ATXN10: variants seen among roughly 807,000 people sequenced by gnomAD.
The protein encoded by ATXN10 is ataxin-10.
Under a neutral mutation model 52.9 loss-of-function variants are expected in ATXN10, and 28 were observed. The ratio of observed to expected loss-of-function variants is 0.53; its 90% CI spans 0.39 to 0.73. The LOEUF (loss-of-function observed/expected upper bound fraction) is 0.73. Among genes scored for constraint, ATXN10 ranks in the 30% least tolerant of loss-of-function variants. The pLI is 0.00. For missense variants in ATXN10, 565 were observed against 577.0 expected (o/e 0.98, Z 0.21); for synonymous variants, 226 against 221.5 (o/e 1.02, Z -0.18).
At chr22:45,822,722 A>G (rs972463445) in intron 10 of ATXN10, among the ~76,000 whole-genome samples, 1 of 151,768 alleles carries the variant, frequency 6.6e-6, no homozygotes, top group African/African-American at 2.4e-5. Flanking sequence ...GGGTTTCATC[A>G]TGTTGGTCAG....
intron 10 of ATXN10, among the ~76,000 whole-genome samples, chr22:45,807,295 C>T (rs1355458874): frequency 6.6e-6 from 1 of 152,214 alleles, no homozygotes; most frequent in African/African-American, 2.4e-5. Context: ...CACAGGCAGC[C>T]CATGCAAGGC....
At chr22:45,673,362 CTT>C (rs1008965904) in intron 1 of ATXN10, 5 of 152,232 alleles carry the variant, frequency 3.3e-5, no homozygotes, top group East Asian at 1.9e-4. Flanking sequence ...GACTTCCTCT[CTT>C]TAAACTAGAC....
In ATXN10 at chr22:45,699,528, G is replaced by GTC. The variant is rs550150940; in HGVS notation, c.392-751_392-750dup. Among the ~76,000 whole-genome samples, 403 of 114,634 alleles carry GTC rather than the reference G, an allele frequency of 3.5e-3. 2 individuals are homozygous for GTC. Among genetic ancestry groups the GTC allele is most frequent in the South Asian group, 8.9e-3 (33 of 3,692 alleles). 75.2% of individuals were successfully genotyped at this position (114,634 alleles called of 152,430 possible). A position where few individuals can be genotyped will look rare whatever the true frequency, so the allele number is the denominator to read the frequency against. On this transcript the variant is annotated intron_variant, in intron 3 of 11. Coordinates refer to ENST00000252934, the MANE Select transcript of ATXN10 (RefSeq NM_013236.4). Reference sequence around the variant, plus strand: ...TTTTTTTGAGACAGGGTCTGGGTCTGTCTCCCCGGCTGGATGCAGTGGCTT... The same window carrying GTC: ...TTTTTTTGAGACAGGGTCTGGGTCTGTCTCTCCCCGGCTGGATGCAGTGGCTT...
At chr22:45,771,693 AG>A (rs1445843549) in intron 9 of ATXN10, among the ~76,000 whole-genome samples, 5 of 152,142 alleles carry the variant, frequency 3.3e-5, no homozygotes, top group African/African-American at 1.2e-4. Context: ...TTGGGATTAC[AG>A]GGGTGAGCCA....
intron 1 of ATXN10, 35 bp downstream of exon 1, chr22:45,672,214 G>A (rs2146716425): frequency 2.0e-6 from 3 of 1,481,306 alleles, no homozygotes; most frequent in South Asian, 2.5e-5. Context: ...CCCCGGGCAG[G>A]GGAGGGCGGC....
chr22:45,739,832 C>T (rs1193228815), intron 8 of ATXN10, among the ~76,000 whole-genome samples: 1 of 152,136 alleles, frequency 6.6e-6, no homozygotes, highest in Non-Finnish European at 1.5e-5. Flanking sequence ...TGGAGGTGCT[C>T]ATAGAGTAGA....
Position 45,780,208 on chromosome 22 carries a change from T to C in ATXN10, c.1174-26751T>C, listed in dbSNP as rs777377366. Among the ~76,000 whole-genome samples, 1 of 152,056 alleles carries C rather than the reference T, an allele frequency of 6.6e-6. No homozygotes were observed. Among genetic ancestry groups the C allele is most frequent in the Non-Finnish European group, 1.5e-5 (1 of 68,008 alleles). ...AAGCGATTACCCTGCTTCAGCCTCC[T>C]GAGTAGCTGGGATTACAGGCGTGTG... On this transcript the variant is annotated intron_variant, in intron 9 of 11. Transcript: ENST00000252934. The surrounding 1 kb of genome is among the most constrained non-coding windows in gnomAD (Gnocchi z 4.0).
intron 10 of ATXN10, among the ~76,000 whole-genome samples, chr22:45,815,501 TGG>T (rs1194059173): frequency 6.6e-6 from 1 of 152,192 alleles, no homozygotes; most frequent in African/African-American, 2.4e-5. Flanking sequence ...TGAGTGCTTT[TGG>T]TATGCCAAAT....
chr22:45,707,392 A>G (rs1425782057), intron 5 of ATXN10, among the ~76,000 whole-genome samples: 1 of 152,110 alleles, frequency 6.6e-6, no homozygotes, highest in Non-Finnish European at 1.5e-5. Context: ...AGATTTACAA[A>G]CAAACAGAAG....
chr22:45,674,636 A>G (rs1483906854), intron 1 of ATXN10: 1 of 152,276 alleles, frequency 6.6e-6, no homozygotes, highest in Non-Finnish European at 1.5e-5. Flanking sequence ...AGGAACACAG[A>G]TGGATCCAGG....
intron 9 of ATXN10, chr22:45,793,924 A>G (rs1927611887): frequency 1.7e-6 from 2 of 1,183,396 alleles, no homozygotes; most frequent in Non-Finnish European, 2.1e-6. Context: ...CTTGCAGAGC[A>G]GGGCTGCCCT....
rs1929388719 is a variant in ATXN10 at position 45,842,782 on chromosome 22, C to A, written c.1238-209C>A. On this transcript the variant is annotated intron_variant, in intron 10 of 11. Coordinates refer to ENST00000252934, the MANE Select transcript of ATXN10 (RefSeq NM_013236.4). The surrounding 1 kb of genome is among the most constrained non-coding windows in gnomAD (Gnocchi z 4.8). ...CGTGGCTGGACATCACACACACATG[C>A]TGGATGTACATGTGCATATGCCTGC... Among the ~76,000 whole-genome samples, 1 of 152,142 alleles carries A rather than the reference C, an allele frequency of 6.6e-6. No homozygotes were observed. Among genetic ancestry groups the A allele is most frequent in the South Asian group, 2.1e-4 (1 of 4,828 alleles).
chr22:45,709,764 T>C (rs577583893), intron 5 of ATXN10, among the ~76,000 whole-genome samples: 2 of 152,348 alleles, frequency 1.3e-5, no homozygotes, highest in East Asian at 3.9e-4. Context: ...GTGCTTCTAA[T>C]TGGCATCTGA....
chr22:45,721,757 T>G (rs893191027), intron 6 of ATXN10, among the ~76,000 whole-genome samples: 2 of 152,146 alleles, frequency 1.3e-5, no homozygotes, highest in Non-Finnish European at 2.9e-5. Context: ...ATAGGTATTA[T>G]TCTTGACATT....
At chr22:45,811,957 A>G (rs1296092702) in intron 10 of ATXN10, among the ~76,000 whole-genome samples, 1 of 152,166 alleles carries the variant, frequency 6.6e-6, no homozygotes, top group East Asian at 1.9e-4. Context: ...CTAGTCTATC[A>G]CATTCTAAAA....
intron 1 of ATXN10, chr22:45,679,188 C>A (rs528132349): frequency 6.6e-6 from 1 of 152,142 alleles, no homozygotes. Flanking sequence ...GAGAGCAGCC[C>A]GAGGCCAGGA....
rs968008570 is a variant in ATXN10 at position 45,677,881 on chromosome 22, G to A, written c.116+5702G>A. 5 of 152,194 alleles carry A rather than the reference G, an allele frequency of 3.3e-5. No individual in the cohort carries two copies. Among genetic ancestry groups the A allele is most frequent in the Non-Finnish European group, 7.3e-5 (5 of 68,042 alleles). The allele number at this position is 152,194 out of a possible 1,614,324, so 9.4% of individuals were successfully genotyped here. A position where few individuals can be genotyped will look rare whatever the true frequency, so the allele number is the denominator to read the frequency against. On this transcript the variant is annotated intron_variant, in intron 1 of 11. Transcript: ENST00000252934. The surrounding 1 kb of genome is among the most constrained non-coding windows in gnomAD (Gnocchi z 4.1). Reference sequence around the variant, plus strand: ...GCTAGTGGACATGTAAAGTGGTGCTGCTACTATGGAAAATAATTTGGTGGG... The same window carrying A: ...GCTAGTGGACATGTAAAGTGGTGCTACTACTATGGAAAATAATTTGGTGGG...
chr22:45,738,614 T>C, intron 7 of ATXN10, 117 bp from the exon 8 acceptor site: 1 of 899,648 alleles, frequency 1.1e-6, no homozygotes, highest in East Asian at 2.7e-5. Context: ...CTTTGACTTA[T>C]TACAAGCACA....
Position 45,683,744 on chromosome 22 carries a change from A to G in ATXN10, c.117-5968A>G, listed in dbSNP as rs936961258. On this transcript the variant is annotated intron_variant, in intron 1 of 11. Coordinates refer to ENST00000252934, the MANE Select transcript of ATXN10 (RefSeq NM_013236.4). The surrounding 1 kb of genome is among the most constrained non-coding windows in gnomAD (Gnocchi z 4.8). ...TTTGGGTAGTGTAAGTAAGGATCCAATTCAGTTTTTTTCTTTTTAGATTAA... is the reference window on the plus strand; with the variant it reads ...TTTGGGTAGTGTAAGTAAGGATCCAGTTCAGTTTTTTTCTTTTTAGATTAA... Among the ~76,000 whole-genome samples, 2 of 152,102 alleles carry G rather than the reference A, an allele frequency of 1.3e-5. No individual in the cohort carries two copies. Among genetic ancestry groups the G allele is most frequent in the African/African-American group, 4.8e-5 (2 of 41,428 alleles).
Sources: gnomAD v4.1 joint callset for allele counts (sites outside exome capture counted in the v4.1 genomes callset) on GRCh38, gnomAD v4.1.1 for gene constraint, Gnocchi (gnomAD v3.1) non-coding constraint, MANE v1.5 for transcripts, NCBI Gene and HGNC (gene_info 2026-07-23, HGNC 2026-07-21) for gene names.